ASCL5: variants seen among roughly 807,000 people sequenced by gnomAD.
ASCL5 encodes achaete-scute family bHLH transcription factor 5, also known as achaete-scute homolog 5.
For synonymous variants in ASCL5, 124 were observed against 131.5 expected (o/e 0.94, Z 0.39); for missense variants, 262 against 268.9 (o/e 0.97, Z 0.18).
intron 1 of ASCL5, among the ~76,000 whole-genome samples, chr1:201,118,847 T>C (rs115493654): frequency 5.3e-5 from 8 of 152,302 alleles, no homozygotes; most frequent in African/African-American, 1.9e-4. Flanking sequence ...TAGGTGCTAA[T>C]ATTGTCTGGT....
chr1:201,119,399 C>T (rs1221022947), intron 1 of ASCL5, among the ~76,000 whole-genome samples: 1 of 152,194 alleles, frequency 6.6e-6, no homozygotes, highest in African/African-American at 2.4e-5. Context: ...GCAGAACCAG[C>T]TATCAATAGC....
chr1:201,118,219 C>G (rs1467212288), intron 1 of ASCL5, among the ~76,000 whole-genome samples: 1 of 152,180 alleles, frequency 6.6e-6, no homozygotes, highest in African/African-American at 2.4e-5. Context: ...GTGGCTCATG[C>G]CTGTAATCCC....
chr1:201,114,777 A>G lies in ASCL5; in HGVS notation c.596T>C (p.Leu199Ser), dbSNP rs1305075259. ...ESSCFSPSPF[L>S]ESEESWH ...TCAATGCCAGGATTCCTCCGACTCC[A>G]AGAAAGGCGACGGGGAGAAGCAGGA... is the stretch of plus-strand genomic sequence containing the variant. Residue 199 changes from leucine (L) to serine (S), a missense_variant, in exon 2 of 2, where the codon TTG becomes TCG. Leu to Ser is a moderately radical substitution (Grantham distance 145, BLOSUM62 -2). Transcript: ENST00000449188. 2.4e-5 allele frequency: 29 copies of G among 1,230,846 alleles called. No individual in the cohort carries two copies. Among genetic ancestry groups the G allele is most frequent in the Non-Finnish European group, 2.8e-5 (28 of 987,474 alleles). 76.2% of individuals were successfully genotyped at this position (1,230,846 alleles called of 1,614,324 possible). A position where few individuals can be genotyped will look rare whatever the true frequency, so the allele number is the denominator to read the frequency against.
Position 201,115,453 on chromosome 1 carries a change from G to A in ASCL5, c.-81C>T. The A allele has an allele frequency of 8.7e-7, 1 of 1,152,690 alleles. No homozygotes were observed. Among genetic ancestry groups the A allele is most frequent in the East Asian group, 3.2e-5 (1 of 31,276 alleles). 71.4% of individuals were successfully genotyped at this position (1,152,690 alleles called of 1,614,324 possible). On this transcript the variant is annotated 5_prime_UTR_variant, in exon 2 of 2. Transcript: ENST00000449188. ...GGGTCTGCACCGTCTCCACCAGTGG[G>A]GCAAGTCACATCGCTAGCAGCAGCT...
At chr1:201,117,584 A>G (rs746018961) in intron 1 of ASCL5, among the ~76,000 whole-genome samples, 4 of 152,170 alleles carry the variant, frequency 2.6e-5, no homozygotes, top group Non-Finnish European at 4.4e-5. Context: ...TCTCAGGTCA[A>G]TCTTCTCTGG....
At chr1:201,117,963 G>A (rs1336355699) in intron 1 of ASCL5, among the ~76,000 whole-genome samples, 3 of 152,096 alleles carry the variant, frequency 2.0e-5, no homozygotes, top group Non-Finnish European at 4.4e-5. Context: ...ATTCATATTT[G>A]ACTTAATTAT....
chr1:201,122,786 C>A (rs1484315205), intron 1 of ASCL5, among the ~76,000 whole-genome samples: 1 of 152,146 alleles, frequency 6.6e-6, no homozygotes, highest in Non-Finnish European at 1.5e-5. Context: ...CACTGCTAAA[C>A]CCTGAGCACG....
At position 201,117,638 on chromosome 1, in the gene ASCL5, C is replaced by T. The variant is rs112410830; in HGVS notation, c.-505-1761G>A. On this transcript the variant is annotated intron_variant, in intron 1 of 1. Transcript: ENST00000449188. ...TCTCACACTTGGCTTGTGCTGGCTC[C>T]GGTCCTGGGGGCCCTCTCTACATCT... 4.6e-3 allele frequency among the ~76,000 whole-genome samples: 694 copies of T among 152,282 alleles called. 3 individuals carry two copies. The highest frequency in any genetic ancestry group is 0.016 in the African/African-American group (656 of 41,548).
At chr1:201,120,517 C>T (rs1043716600) in intron 1 of ASCL5, among the ~76,000 whole-genome samples, 5 of 152,182 alleles carry the variant, frequency 3.3e-5, no homozygotes, top group Admixed American at 3.3e-4. Context: ...CTGTCACTGC[C>T]CCCAACCCAG....
At chr1:201,121,451 C>T (rs1216384208) in intron 1 of ASCL5, among the ~76,000 whole-genome samples, 2 of 152,162 alleles carry the variant, frequency 1.3e-5, no homozygotes, top group Non-Finnish European at 2.9e-5. Flanking sequence ...TTAAGTCTTA[C>T]TCACCGCTAC....
At chr1:201,118,727 A>G (rs1186162131) in intron 1 of ASCL5, among the ~76,000 whole-genome samples, 1 of 152,216 alleles carries the variant, frequency 6.6e-6, no homozygotes, top group Non-Finnish European at 1.5e-5. Context: ...TAGTGAAATA[A>G]TAATAATAAT....
intron 1 of ASCL5, among the ~76,000 whole-genome samples, chr1:201,118,928 G>A (rs944488722): frequency 6.6e-6 from 1 of 152,142 alleles, no homozygotes; most frequent in Non-Finnish European, 1.5e-5. Flanking sequence ...AGGAATTCAT[G>A]AACTAATAAA....
At chr1:201,122,568 G>T (rs979729593) in intron 1 of ASCL5, among the ~76,000 whole-genome samples, 1 of 152,156 alleles carries the variant, frequency 6.6e-6, no homozygotes, top group African/African-American at 2.4e-5. Context: ...TCACACAGCC[G>T]ATTGAATTTA....
chr1:201,114,995 G>C lies in ASCL5; in HGVS notation c.378C>G (p.Arg126=). ...GGTACTTTATGTAGCGGATGGCGGC[G>C]CGCAGCGTCTCCACCTTGCTGAGTC... ...EKRLSKVETL[R]AAIRYIKYLQ... The change falls in exon 2 of 2, where the codon CGC becomes CGG. Residue 126 remains arginine, a synonymous_variant. Transcript: ENST00000449188. 1 of 1,231,704 alleles carries C rather than the reference G, an allele frequency of 8.1e-7. No individual in the cohort carries two copies. Among genetic ancestry groups the C allele is most frequent in the Non-Finnish European group, 1.0e-6 (1 of 987,984 alleles). The allele number at this position is 1,231,704 out of a possible 1,614,324, so 76.3% of individuals were successfully genotyped here. A position where few individuals can be genotyped will look rare whatever the true frequency, so the allele number is the denominator to read the frequency against.
intron 1 of ASCL5, among the ~76,000 whole-genome samples, chr1:201,123,559 C>A (rs1174940196): frequency 6.6e-6 from 1 of 152,208 alleles, no homozygotes; most frequent in Non-Finnish European, 1.5e-5. Flanking sequence ...AAGCAAATTG[C>A]CGCAGGTCAC....
In ASCL5 at chr1:201,114,797, G is replaced by A. The variant is rs922563489; in HGVS notation, c.576C>T (p.Cys192=). Residue 192 remains cysteine, a synonymous_variant, in exon 2 of 2, where the codon TGC becomes TGT. Coordinates refer to ENST00000449188, the MANE Select transcript of ASCL5 (RefSeq NM_001270601.2). ...ACTCCAAGAAAGGCGACGGGGAGAA[G>A]CAGGAGGACTCGGATGACTCCGGCA... The part of the protein sequence containing the change: ...SLVPESSESS[C]FSPSPFLESE... The A allele has an allele frequency of 8.1e-6, 10 of 1,231,004 alleles. No individual in the cohort carries two copies. The highest frequency in any genetic ancestry group is 7.8e-5 in the African/African-American group (5 of 64,370). The allele number at this position is 1,231,004 out of a possible 1,614,324, so 76.3% of individuals were successfully genotyped here.
intron 1 of ASCL5, among the ~76,000 whole-genome samples, chr1:201,124,860 T>C (rs1013028209): frequency 1.3e-5 from 2 of 152,196 alleles, no homozygotes; most frequent in Admixed American, 1.3e-4. Context: ...CCTGGACCTG[T>C]GGCCAGGGTA....
At chr1:201,124,337 A>G (rs1210955393) in intron 1 of ASCL5, among the ~76,000 whole-genome samples, 2 of 152,158 alleles carry the variant, frequency 1.3e-5, no homozygotes, top group Non-Finnish European at 2.9e-5. Context: ...GCTGCCCCCA[A>G]GGGTGCTGCC....
At chr1:201,126,788 C>T (rs567686876) in intron 1 of ASCL5, among the ~76,000 whole-genome samples, 2 of 152,172 alleles carry the variant, frequency 1.3e-5, no homozygotes, top group Non-Finnish European at 2.9e-5. Context: ...AGGCCTAGCT[C>T]TCCTCCTGCC....
Sources: allele counts gnomAD v4.1 joint callset (sites outside exome capture counted in the v4.1 genomes callset), GRCh38; gene constraint gnomAD v4.1.1; transcripts MANE v1.5; gene names NCBI Gene and HGNC (gene_info 2026-07-23, HGNC 2026-07-21).